Variants in GSG1L observed in about 807,000 individuals in gnomAD.
GSG1L encodes the protein germ cell-specific gene 1-like protein.
A neutral mutation model predicts 42.1 loss-of-function variants in GSG1L; 24 were observed. The observed-to-expected ratio is 0.57, with a 90% CI of 0.41 to 0.80. The LOEUF (loss-of-function observed/expected upper bound fraction) is 0.80. GSG1L is among the 30% of genes least tolerant of loss of function. GSG1L has a pLI of 0.00. For missense variants in GSG1L, 445 were observed against 472.2 expected (o/e 0.94, Z 0.53); for synonymous variants, 215 against 203.5 (o/e 1.06, Z -0.48).
At chr16:27,898,387 C>G (rs1406938311) in intron 2 of GSG1L, among the ~76,000 whole-genome samples, 1 of 139,016 alleles carries the variant, frequency 7.2e-6, no homozygotes, top group Non-Finnish European at 1.5e-5. Flanking sequence ...GGCAAGTCCT[C>G]TCATCTCTCC....
chr16:27,904,463 C>T (rs958094669), intron 2 of GSG1L, among the ~76,000 whole-genome samples: 11 of 152,126 alleles, frequency 7.2e-5, no homozygotes, highest in Non-Finnish European at 1.6e-4. Flanking sequence ...CTCCCTAGCC[C>T]CCTTTCCTTT....
chr16:27,999,462 C>T (rs1420701530), intron 1 of GSG1L, among the ~76,000 whole-genome samples: 1 of 152,134 alleles, frequency 6.6e-6, no homozygotes, highest in Non-Finnish European at 1.5e-5. Flanking sequence ...CCATGGAGTG[C>T]ACTATTTAAT....
chr16:27,926,775 C>T (rs1474934826), intron 2 of GSG1L, among the ~76,000 whole-genome samples: 3 of 152,084 alleles, frequency 2.0e-5, no homozygotes, highest in Admixed American at 6.5e-5. Flanking sequence ...ATGGGGTGAG[C>T]GCTTAGCAGT....
intron 1 of GSG1L, among the ~76,000 whole-genome samples, chr16:28,036,583 C>G (rs558118767): frequency 2.0e-5 from 3 of 152,188 alleles, no homozygotes; most frequent in African/African-American, 4.8e-5. Context: ...CTCTGTCCCC[C>G]CCTTCACCAG....
At chr16:27,916,377 G>A (rs2084455021) in intron 2 of GSG1L, among the ~76,000 whole-genome samples, 1 of 151,812 alleles carries the variant, frequency 6.6e-6, no homozygotes, top group African/African-American at 2.4e-5. Flanking sequence ...GTACAGTGGT[G>A]CAATCACAGC....
chr16:27,793,805 G>A (rs1026043816), intron 6 of GSG1L, among the ~76,000 whole-genome samples: 2 of 152,166 alleles, frequency 1.3e-5, no homozygotes, highest in Non-Finnish European at 1.5e-5. Flanking sequence ...TTTAAGGTGT[G>A]TGTATACAGA....
At chr16:27,880,396 A>C (rs2141020075) in intron 3 of GSG1L, among the ~76,000 whole-genome samples, 1 of 152,268 alleles carries the variant, frequency 6.6e-6, no homozygotes. Context: ...TGTTTTCTGA[A>C]GACTTAAAAT....
At chr16:27,968,182 A>AT (rs1386812900) in intron 1 of GSG1L, among the ~76,000 whole-genome samples, 1 of 152,050 alleles carries the variant, frequency 6.6e-6, no homozygotes, top group Non-Finnish European at 1.5e-5. Flanking sequence ...AGTATTAAGC[A>AT]TTTTTTCACC....
At chr16:27,980,901 C>CAAAA (rs11390148) in intron 1 of GSG1L, among the ~76,000 whole-genome samples, 38 of 127,030 alleles carry the variant, frequency 3.0e-4, no homozygotes, top group Non-Finnish European at 4.5e-4. Flanking sequence ...AACCAAAAAA[C>CAAAA]AAAAAAAAAA....
intron 3 of GSG1L, among the ~76,000 whole-genome samples, chr16:27,847,148 G>A (rs907335980): frequency 6.6e-6 from 1 of 152,152 alleles, no homozygotes; most frequent in African/African-American, 2.4e-5. Flanking sequence ...CTAAATGAAT[G>A]AGGCTTTCCT....
In GSG1L at chr16:28,059,558, C is replaced by T. The variant is rs917204527; in HGVS notation, c.349+3518G>A. Among the ~76,000 whole-genome samples the T allele has an allele frequency of 6.6e-6, 1 of 151,824 alleles. No individual in the cohort carries two copies. Among genetic ancestry groups the T allele is most frequent in the African/African-American group, 2.4e-5 (1 of 41,294 alleles). Reference sequence around the variant, plus strand: ...GATGAAGTCCAACGCATGTGGACGTCACCTGTGCTCCCAGCTGGCACAAGC... The same window carrying T: ...GATGAAGTCCAACGCATGTGGACGTTACCTGTGCTCCCAGCTGGCACAAGC... On this transcript the variant is annotated intron_variant, in intron 1 of 6. Transcript: ENST00000447459. The surrounding 1 kb of genome is among the most constrained non-coding windows in gnomAD (Gnocchi z 4.4).
chr16:27,834,629 C>T (rs532863316), intron 4 of GSG1L, among the ~76,000 whole-genome samples: 28 of 152,192 alleles, frequency 1.8e-4, no homozygotes, highest in Non-Finnish European at 2.2e-4. Context: ...TTACTTATTT[C>T]GCATTTGGTA....
intron 3 of GSG1L, among the ~76,000 whole-genome samples, chr16:27,872,623 C>T (rs1040956699): frequency 5.9e-5 from 9 of 152,148 alleles, no homozygotes; most frequent in Admixed American, 5.9e-4. Context: ...AAAGACCTTG[C>T]TGATAAAACA....
chr16:27,841,564 C>A (rs957876852), intron 4 of GSG1L, among the ~76,000 whole-genome samples: 2 of 152,232 alleles, frequency 1.3e-5, no homozygotes, highest in African/African-American at 2.4e-5. Flanking sequence ...GCTCTCGGGC[C>A]AGGATTTTGA....
At chr16:27,870,027 ATCTC>A (rs1164183302) in intron 3 of GSG1L, among the ~76,000 whole-genome samples, 3 of 77,784 alleles carry the variant, frequency 3.9e-5, no homozygotes, top group African/African-American at 1.1e-4. Flanking sequence ...GTCTCCCTCC[ATCTC>A]TCTGTCTCCT....
intron 2 of GSG1L, among the ~76,000 whole-genome samples, chr16:27,951,654 GT>G (rs557020554): frequency 4.5e-4 from 68 of 152,304 alleles, no homozygotes; most frequent in African/African-American, 1.6e-3. Flanking sequence ...CAGCCAGTAG[GT>G]TGACCTGTTT....
intron 6 of GSG1L, among the ~76,000 whole-genome samples, chr16:27,803,935 T>C (rs2082921615): frequency 6.6e-6 from 1 of 151,402 alleles, no homozygotes; most frequent in African/African-American, 2.4e-5. Context: ...GATGGATGGA[T>C]AGATTAGATA....
intron 4 of GSG1L, among the ~76,000 whole-genome samples, chr16:27,834,767 C>T (rs2083305632): frequency 6.6e-6 from 1 of 152,124 alleles, no homozygotes; most frequent in East Asian, 1.9e-4. Flanking sequence ...GCAGCAACAT[C>T]CTCTGTTTCA....
intron 1 of GSG1L, among the ~76,000 whole-genome samples, chr16:28,060,320 C>T (rs1482321632): frequency 6.6e-6 from 1 of 152,062 alleles, no homozygotes; most frequent in African/African-American, 2.4e-5. Flanking sequence ...TCAGGACCAC[C>T]GTGGTGGAGA....
Sources: gnomAD v4.1 joint callset for allele counts (sites outside exome capture counted in the v4.1 genomes callset) on GRCh38, gnomAD v4.1.1 for gene constraint, Gnocchi (gnomAD v3.1) non-coding constraint, MANE v1.5 for transcripts, NCBI Gene and HGNC (gene_info 2026-07-23, HGNC 2026-07-21) for gene names.